NALF1: variants seen among roughly 807,000 people sequenced by gnomAD.
NALF1 encodes NALCN channel auxiliary factor 1, also known as family with sequence similarity 155 member A.
NALF1 carries 3 observed loss-of-function variants against 48.4 expected under a neutral mutation model. The ratio of observed to expected loss-of-function variants is 0.06; its 90% CI spans 0.03 to 0.16. The LOEUF is 0.16. Among genes scored for constraint, NALF1 ranks in the 10% least tolerant of loss-of-function variants. The probability of loss-of-function intolerance (pLI) is 1.00; values close to 1 mark genes in which losing one functional copy is unlikely to be tolerated. For synonymous variants in NALF1, 262 were observed against 245.7 expected, an observed-to-expected ratio of 1.07 and a Z score of -0.62; for missense variants, 526 against 571.5, an observed-to-expected ratio of 0.92 and a Z score of 0.81.
intron 2 of NALF1, among the ~76,000 whole-genome samples, chr13:107,207,263 A>G (rs1231726364): frequency 1.3e-5 from 2 of 152,184 alleles, no homozygotes; most frequent in Non-Finnish European, 2.9e-5. Context: ...AGATTAAATG[A>G]TGCTATAACT....
At chr13:107,357,444 G>A (rs1882983072) in intron 1 of NALF1, among the ~76,000 whole-genome samples, 1 of 152,118 alleles carries the variant, frequency 6.6e-6, no homozygotes, top group Non-Finnish European at 1.5e-5. Flanking sequence ...GATAAGATTT[G>A]GGTGGGGACA....
At chr13:107,210,792 G>A (rs1361718566) in intron 1 of NALF1, 37 bp from the exon 2 acceptor site, 4 of 1,485,158 alleles carry the variant, frequency 2.7e-6, no homozygotes, top group African/African-American at 2.8e-5. Flanking sequence ...ATAGAGGCGT[G>A]ACAACAGTTA....
intron 1 of NALF1, among the ~76,000 whole-genome samples, chr13:107,227,181 T>G (rs903007979): frequency 1.3e-5 from 2 of 152,264 alleles, no homozygotes; most frequent in African/African-American, 4.8e-5. Context: ...TTGTGCATCA[T>G]GCACCATTTC....
intron 1 of NALF1, among the ~76,000 whole-genome samples, chr13:107,810,401 C>T (rs1296400835): frequency 1.3e-5 from 2 of 152,084 alleles, no homozygotes; most frequent in African/African-American, 2.4e-5. Flanking sequence ...CTCCCAGATT[C>T]GGGCACCATT....
chr13:107,383,537 A>C (rs1484538387), intron 1 of NALF1, among the ~76,000 whole-genome samples: 1 of 152,176 alleles, frequency 6.6e-6, no homozygotes, highest in African/African-American at 2.4e-5. Context: ...TGAAACTATC[A>C]ACCACTGAAG....
At chr13:107,567,646 C>T (rs1877854762) in intron 1 of NALF1, among the ~76,000 whole-genome samples, 1 of 152,184 alleles carries the variant, frequency 6.6e-6, no homozygotes, top group East Asian at 1.9e-4. Flanking sequence ...CTCTTCTGTA[C>T]TTGTGGTTGA....
At chr13:107,777,384 T>C (rs192559208) in intron 1 of NALF1, among the ~76,000 whole-genome samples, 3 of 152,260 alleles carry the variant, frequency 2.0e-5, no homozygotes, top group East Asian at 3.9e-4. Flanking sequence ...ATTTGGATAT[T>C]TGTCCCCACC....
At chr13:107,489,188 T>C (rs1382127552) in intron 1 of NALF1, among the ~76,000 whole-genome samples, 1 of 152,130 alleles carries the variant, frequency 6.6e-6, no homozygotes, top group African/African-American at 2.4e-5. Context: ...TCGATATCAT[T>C]AAAATAGTCA....
At chr13:107,591,749 C>T (rs763461025) in intron 1 of NALF1, among the ~76,000 whole-genome samples, 1 of 151,922 alleles carries the variant, frequency 6.6e-6, no homozygotes, top group Non-Finnish European at 1.5e-5. Context: ...GCTTTTCAAA[C>T]GCGAAGATAT....
chr13:107,319,874 A>T (rs1422580055), intron 1 of NALF1, among the ~76,000 whole-genome samples: 1 of 152,076 alleles, frequency 6.6e-6, no homozygotes, highest in East Asian at 1.9e-4. Context: ...AACTTAGGTG[A>T]GTGGGTGAAA....
intron 1 of NALF1, among the ~76,000 whole-genome samples, chr13:107,246,688 T>C (rs967894523): frequency 6.6e-6 from 1 of 152,146 alleles, no homozygotes; most frequent in South Asian, 2.1e-4. Context: ...CCACTGAAAA[T>C]ATGAAAACGA....
intron 1 of NALF1, among the ~76,000 whole-genome samples, chr13:107,820,887 A>T (rs1214124583): frequency 2.0e-5 from 3 of 152,184 alleles, no homozygotes; most frequent in African/African-American, 7.2e-5. Flanking sequence ...CCATGTATTT[A>T]TTCCAGGTAT....
chr13:107,436,841 C>T (rs546050067), intron 1 of NALF1, among the ~76,000 whole-genome samples: 52 of 152,148 alleles, frequency 3.4e-4, no homozygotes, highest in Middle Eastern at 3.4e-3. Context: ...ATCTATAAAA[C>T]AATTATTAGA....
intron 1 of NALF1, among the ~76,000 whole-genome samples, chr13:107,369,597 T>C (rs1036607272): frequency 6.6e-6 from 1 of 152,098 alleles, no homozygotes; most frequent in Non-Finnish European, 1.5e-5. Flanking sequence ...AGAGCTAACA[T>C]GATCACAGAA....
At chr13:107,175,823 T>G (rs1330928484) in intron 2 of NALF1, among the ~76,000 whole-genome samples, 2 of 152,146 alleles carry the variant, frequency 1.3e-5, no homozygotes, top group African/African-American at 2.4e-5. Context: ...CTGCCCTTGG[T>G]TGAAGTTAGC....
chr13:107,314,041 C>A (rs1232641708), intron 1 of NALF1, among the ~76,000 whole-genome samples: 3 of 152,114 alleles, frequency 2.0e-5, no homozygotes, highest in Non-Finnish European at 2.9e-5. Context: ...ACTTTTGGTT[C>A]ACAATAACTA....
At chr13:107,506,907 G>T (rs1466930877) in intron 1 of NALF1, among the ~76,000 whole-genome samples, 1 of 151,568 alleles carries the variant, frequency 6.6e-6, no homozygotes, top group African/African-American at 2.4e-5. Flanking sequence ...CATAGGAGTG[G>T]AATTGTTGAG....
chr13:107,682,777 T>C lies in NALF1; in HGVS notation c.915+182905A>G, dbSNP rs556889210. ...GGGGTCCTCCACGAGATGTGCTGCA[T>C]TGGGGCATGAATCAGGATGTCTGAG... On this transcript the variant is annotated intron_variant, in intron 1 of 2. Transcript: ENST00000375915. 1.6e-4 allele frequency among the ~76,000 whole-genome samples: 25 copies of C among 152,226 alleles called. 1 individual carries two copies. In the South Asian group the frequency reaches 4.4e-3, roughly 27 times the overall value.
At chr13:107,470,274 G>A (rs1179383850) in intron 1 of NALF1, among the ~76,000 whole-genome samples, 3 of 152,110 alleles carry the variant, frequency 2.0e-5, no homozygotes, top group Non-Finnish European at 2.9e-5. Flanking sequence ...TAGTGAGGTA[G>A]CAGAGAAAGG....
Sources: allele counts gnomAD v4.1 joint callset (sites outside exome capture counted in the v4.1 genomes callset), GRCh38; gene constraint gnomAD v4.1.1; transcripts MANE v1.5; gene names NCBI Gene and HGNC (gene_info 2026-07-23, HGNC 2026-07-21).